Variants in PRRX2 observed in about 807,000 individuals in gnomAD.
The protein encoded by PRRX2 is paired mesoderm homeobox protein 2.
PRRX2 carries 11 observed loss-of-function variants against 18.0 expected under a neutral mutation model. The observed-to-expected ratio is 0.61, with a 90% CI of 0.39 to 1.01. PRRX2 has a LOEUF of 1.01. Ranked by LOEUF, PRRX2 falls within the 50% of genes least tolerant of loss-of-function variation. The pLI is 0.01. For synonymous variants in PRRX2, 177 were observed against 154.8 expected, an observed-to-expected ratio of 1.14 and a Z score of -1.06; for missense variants, 387 against 351.0, an observed-to-expected ratio of 1.10 and a Z score of -0.82.
chr9:129,675,121 G>T lies in PRRX2; in HGVS notation c.259+8995G>T, dbSNP rs1362415725. On this transcript the variant is annotated intron_variant, in intron 1 of 3. Transcript: ENST00000372469. The surrounding 1 kb of genome is among the most constrained non-coding windows in gnomAD (Gnocchi z 4.4). ...GCAGAGCTGCCGCAGGATGCATAAG[G>T]CTGGCTCTGGACCTGGAAGGGCCCG... Among the ~76,000 whole-genome samples the T allele has an allele frequency of 1.3e-5, 2 of 152,216 alleles. No individual in the cohort carries two copies. Among genetic ancestry groups the T allele is most frequent in the Admixed American group, 1.3e-4 (2 of 15,284 alleles).
intron 1 of PRRX2, among the ~76,000 whole-genome samples, chr9:129,684,458 A>ACACC (rs375037713): frequency 0.021 from 2,493 of 118,640 alleles, 35 homozygotes; most frequent in Middle Eastern, 0.057. Flanking sequence ...ACACACACAC[A>ACACC]CCCAACAGAA....
intron 1 of PRRX2, among the ~76,000 whole-genome samples, chr9:129,688,540 C>T (rs1220693768): frequency 6.6e-6 from 1 of 152,208 alleles, no homozygotes; most frequent in Non-Finnish European, 1.5e-5. Context: ...ACTGACCTCA[C>T]GTTTCTCCCA....
intron 1 of PRRX2, among the ~76,000 whole-genome samples, chr9:129,699,308 C>T (rs1289455170): frequency 6.6e-6 from 1 of 152,102 alleles, no homozygotes; most frequent in Admixed American, 6.6e-5. Flanking sequence ...CCTGTAATCC[C>T]AGTTGCTTGG....
rs2074836595 is a variant in PRRX2, at chr9:129,720,615, G to T, written c.467G>T (p.Arg156Leu). Residue 156 changes from arginine to leucine, a missense_variant, in exon 3 of 4, where the codon CGC (arginine) becomes CTC (leucine). Physicochemically the swap from Arg to Leu is moderately radical, Grantham distance 102. Transcript: ENST00000372469. ...CCACAGGTCTGGTTTCAGAACCGCC[G>T]CGCCAAGTTCCGCAGGAATGAAAGG... is the stretch of plus-strand genomic sequence containing the variant. ...ARVQVWFQNRRAKFRRNERAM... is the reference protein window; with the variant it reads ...ARVQVWFQNRLAKFRRNERAM... 6.2e-7 allele frequency: 1 copy of T among 1,610,986 alleles called. No individual in the cohort carries two copies. Among genetic ancestry groups the T allele is most frequent in the Non-Finnish European group, 8.5e-7 (1 of 1,178,394 alleles).
chr9:129,689,602 C>T lies in PRRX2; in HGVS notation c.259+23476C>T, dbSNP rs1045282297. 3.9e-5 allele frequency among the ~76,000 whole-genome samples: 6 copies of T among 152,112 alleles called. No individual in the cohort carries two copies. In the South Asian group the frequency reaches 1.0e-3, roughly 26 times the overall value. On this transcript the variant is annotated intron_variant, in intron 1 of 3. Coordinates refer to ENST00000372469, the MANE Select transcript of PRRX2 (RefSeq NM_016307.4). Reference sequence around the variant, plus strand: ...GCTGGTCTGATGCGCAAAGACCTTGCACTTGGTGTCGCCAGTGAGTGGTCC... The same window carrying T: ...GCTGGTCTGATGCGCAAAGACCTTGTACTTGGTGTCGCCAGTGAGTGGTCC...
intron 1 of PRRX2, among the ~76,000 whole-genome samples, chr9:129,683,400 C>T (rs1009640848): frequency 1.3e-5 from 2 of 152,162 alleles, no homozygotes; most frequent in African/African-American, 4.8e-5. Flanking sequence ...GGGCACACAC[C>T]CACCTGCCAG....
intron 1 of PRRX2, among the ~76,000 whole-genome samples, chr9:129,680,620 A>G (rs540820856): frequency 5.3e-5 from 8 of 152,216 alleles, no homozygotes; most frequent in African/African-American, 1.4e-4. Context: ...TCTGGGTGTC[A>G]GGAGCTTGCC....
intron 1 of PRRX2, among the ~76,000 whole-genome samples, chr9:129,702,484 T>C (rs1243039042): frequency 1.3e-5 from 2 of 152,204 alleles, no homozygotes. Flanking sequence ...CCACTGGCCA[T>C]GTGTGGATAT....
chr9:129,690,211 AT>A (rs1488828104), intron 1 of PRRX2, among the ~76,000 whole-genome samples: 4 of 152,122 alleles, frequency 2.6e-5, no homozygotes, highest in Non-Finnish European at 5.9e-5. Context: ...GGGCTGCGTC[AT>A]TCTCTCCCTG....
Position 129,722,390 on chromosome 9 carries a change from G to A in PRRX2, c.*38G>A. The A allele has an allele frequency of 6.2e-7, 1 of 1,607,680 alleles. No individual in the cohort carries two copies. The highest frequency in any genetic ancestry group is 1.1e-5 in the South Asian group (1 of 90,602). On this transcript the variant is annotated 3_prime_UTR_variant, in exon 4 of 4. Transcript: ENST00000372469. ...CCAGGACCCAGACGCCTCCCTGGGT[G>A]GACAGCAATAGAAAAGGGGGCAGAC...
chr9:129,666,810 C>T (rs1342603124), intron 1 of PRRX2, among the ~76,000 whole-genome samples: 1 of 152,152 alleles, frequency 6.6e-6, no homozygotes, highest in Non-Finnish European at 1.5e-5. Flanking sequence ...CCGGACGGTT[C>T]AGTGGGGGAG....
At chr9:129,707,068 C>T (rs1217780010) in intron 1 of PRRX2, among the ~76,000 whole-genome samples, 1 of 152,096 alleles carries the variant, frequency 6.6e-6, no homozygotes, top group African/African-American at 2.4e-5. Flanking sequence ...TTAGCCTGGC[C>T]AACATGGTGA....
chr9:129,687,246 A>T (rs1379020342), intron 1 of PRRX2, among the ~76,000 whole-genome samples: 1 of 152,150 alleles, frequency 6.6e-6, no homozygotes, highest in Non-Finnish European at 1.5e-5. Flanking sequence ...AAAAGAAAAA[A>T]AGTCGGCTGC....
At chr9:129,684,482 TC>T (rs1832275093) in intron 1 of PRRX2, among the ~76,000 whole-genome samples, 1 of 43,246 alleles carries the variant, frequency 2.3e-5, no homozygotes, top group African/African-American at 1.0e-4. Context: ...ATACCAGAAA[TC>T]ACACACACAC....
chr9:129,673,569 C>T (rs563065339), intron 1 of PRRX2, among the ~76,000 whole-genome samples: 3 of 152,110 alleles, frequency 2.0e-5, no homozygotes, highest in Non-Finnish European at 2.9e-5. Context: ...AAACTTTGTC[C>T]TAGGCTGGCA....
In PRRX2 at chr9:129,695,660, A is replaced by G. The variant is rs1832411852; in HGVS notation, c.260-23571A>G. ...GCCCCCGCCACCCCAAACCTTTAACAGGAGACTTGGCTGGGAAGTCAAAAG... is the reference window on the plus strand; with the variant it reads ...GCCCCCGCCACCCCAAACCTTTAACGGGAGACTTGGCTGGGAAGTCAAAAG... On this transcript the variant is annotated intron_variant, in intron 1 of 3. Transcript: ENST00000372469. This position sits in a 1 kb window ranked among gnomAD's most constrained non-coding sequence, Gnocchi z 4.8. Among the ~76,000 whole-genome samples the G allele has an allele frequency of 6.6e-6, 1 of 152,208 alleles. No homozygotes were observed. Among genetic ancestry groups the G allele is most frequent in the South Asian group, 2.1e-4 (1 of 4,834 alleles).
intron 1 of PRRX2, among the ~76,000 whole-genome samples, chr9:129,708,966 G>A (rs1032321167): frequency 6.6e-6 from 1 of 152,230 alleles, no homozygotes; most frequent in Non-Finnish European, 1.5e-5. Context: ...ACCCAAACAC[G>A]TCATTTCTCT....
chr9:129,698,450 C>G (rs1832456717), intron 1 of PRRX2, among the ~76,000 whole-genome samples: 1 of 152,196 alleles, frequency 6.6e-6, no homozygotes, highest in African/African-American at 2.4e-5. Flanking sequence ...CAGCCCTTCC[C>G]CATGATCGGG....
intron 1 of PRRX2, among the ~76,000 whole-genome samples, chr9:129,679,825 C>T (rs1832204995): frequency 6.6e-6 from 1 of 152,288 alleles, no homozygotes; most frequent in East Asian, 1.9e-4. Flanking sequence ...AATGTAGAGC[C>T]AGCTCCAGAG....
Sources: allele counts gnomAD v4.1 joint callset (sites outside exome capture counted in the v4.1 genomes callset), GRCh38; gene constraint gnomAD v4.1.1; non-coding constraint Gnocchi (gnomAD v3.1); transcripts MANE v1.5; gene names NCBI Gene and HGNC (gene_info 2026-07-23, HGNC 2026-07-21).